Variants in PDE1A observed in about 807,000 individuals in gnomAD.
PDE1A encodes dual specificity calcium/calmodulin-dependent 3',5'-cyclic nucleotide phosphodiesterase 1A.
PDE1A carries 35 observed loss-of-function variants against 61.7 expected under a neutral mutation model. The observed-to-expected ratio is 0.57, with a 90% CI of 0.43 to 0.75. The LOEUF is 0.75. Among genes scored for constraint, PDE1A ranks in the 30% least tolerant of loss-of-function variants. The pLI, the probability that PDE1A is intolerant of heterozygous loss-of-function variation, is 0.00. For missense variants in PDE1A, 597 were observed against 630.6 expected (o/e 0.95, Z 0.57); for synonymous variants, 232 against 213.2 (o/e 1.09, Z -0.77).
chr2:182,322,838 C>T (rs757257825), intron 1 of PDE1A, among the ~76,000 whole-genome samples: 23 of 151,996 alleles, frequency 1.5e-4, no homozygotes, highest in African/African-American at 3.9e-4. Flanking sequence ...AAAGTAGATA[C>T]GTTAAATGAT....
At chr2:182,504,429 G>A (rs946830642) in intron 2 of PDE1A, among the ~76,000 whole-genome samples, 2 of 152,122 alleles carry the variant, frequency 1.3e-5, no homozygotes, top group African/African-American at 4.8e-5. Context: ...AGATAAACAA[G>A]AAATCATTTT....
the PDE1A span, among the ~76,000 whole-genome samples, chr2:182,584,241 G>A: frequency 6.6e-6 from 1 of 152,006 alleles, no homozygotes; most frequent in Non-Finnish European, 1.5e-5. Context: ...AGGAGTTGCA[G>A]AGAGAGAACA....
the PDE1A span, among the ~76,000 whole-genome samples, chr2:182,536,287 C>T: frequency 6.6e-5 from 10 of 152,300 alleles, no homozygotes; most frequent in African/African-American, 2.2e-4. Context: ...AACCAATTCA[C>T]ATTTAGGAAA....
At chr2:182,222,817 A>G (rs569281309) in intron 7 of PDE1A, among the ~76,000 whole-genome samples, 3 of 152,052 alleles carry the variant, frequency 2.0e-5, no homozygotes, top group Non-Finnish European at 2.9e-5. Flanking sequence ...CTCTTAACAT[A>G]TATCTCCTTA....
chr2:182,503,711 T>C (rs1310645065), intron 2 of PDE1A, among the ~76,000 whole-genome samples: 3 of 152,272 alleles, frequency 2.0e-5, no homozygotes, highest in South Asian at 2.1e-4. Flanking sequence ...TGGTCTAAAA[T>C]ACAGACTTTT....
At chr2:182,202,329 C>T (rs1050524804) in intron 8 of PDE1A, among the ~76,000 whole-genome samples, 4 of 152,096 alleles carry the variant, frequency 2.6e-5, no homozygotes, top group Admixed American at 2.0e-4. Flanking sequence ...TTAATCAAAA[C>T]GACTACTATT....
intron 1 of PDE1A, among the ~76,000 whole-genome samples, chr2:182,312,300 A>G (rs1696032948): frequency 6.6e-6 from 1 of 152,094 alleles, no homozygotes; most frequent in African/African-American, 2.4e-5. Flanking sequence ...GTTTTTAAAT[A>G]GTTAATGAAG....
chr2:182,635,005 C>T, the PDE1A span, among the ~76,000 whole-genome samples: 1 of 151,780 alleles, frequency 6.6e-6, no homozygotes, highest in South Asian at 2.1e-4. Context: ...ATCTCAAAAG[C>T]ATAATCTGAA....
the PDE1A span, among the ~76,000 whole-genome samples, chr2:182,578,450 T>A: frequency 6.6e-6 from 1 of 152,232 alleles, no homozygotes; most frequent in African/African-American, 2.4e-5. Context: ...AAAGTCTATA[T>A]TATTAAGGTT....
chr2:182,695,400 T>C, the PDE1A span, among the ~76,000 whole-genome samples: 60 of 152,006 alleles, frequency 3.9e-4, no homozygotes, highest in Non-Finnish European at 6.9e-4. Context: ...AGTGTGGACA[T>C]GTCTGAGAGT....
chr2:182,690,096 G>C, the PDE1A span, among the ~76,000 whole-genome samples: 3 of 152,120 alleles, frequency 2.0e-5, no homozygotes, highest in Non-Finnish European at 1.5e-5. Context: ...AATTCTACCA[G>C]AGGTATAAGG....
At chr2:182,217,650 C>CA (rs1468257268) in intron 7 of PDE1A, among the ~76,000 whole-genome samples, 1 of 138,138 alleles carries the variant, frequency 7.2e-6, no homozygotes, top group Admixed American at 7.4e-5. Flanking sequence ...TTTATGCAGC[C>CA]AAAAAACACA....
intron 10 of PDE1A, among the ~76,000 whole-genome samples, chr2:182,197,718 G>A (rs2125451883): frequency 6.6e-6 from 1 of 151,824 alleles, no homozygotes; most frequent in South Asian, 2.1e-4. Context: ...ATATATATGA[G>A]CCTGTTTCTG....
intron 1 of PDE1A, among the ~76,000 whole-genome samples, chr2:182,324,660 G>A (rs1696928283): frequency 6.6e-6 from 1 of 152,012 alleles, no homozygotes; most frequent in Non-Finnish European, 1.5e-5. Context: ...CTGTTCTGTG[G>A]GTACATTGGG....
the PDE1A span, among the ~76,000 whole-genome samples, chr2:182,713,296 G>C: frequency 1.3e-5 from 2 of 151,934 alleles, no homozygotes; most frequent in African/African-American, 4.8e-5. Context: ...ACTTACTGAG[G>C]GCAGAGCTAT....
At chr2:182,596,123 A>G in the PDE1A span, among the ~76,000 whole-genome samples, 1 of 152,260 alleles carries the variant, frequency 6.6e-6, no homozygotes, top group South Asian at 2.1e-4. Context: ...TTTGAGACAG[A>G]ACAGGCATAA....
At chr2:182,451,378 C>CAAAAAAAA (rs1219608685) in intron 2 of PDE1A, among the ~76,000 whole-genome samples, 3 of 12,296 alleles carry the variant, frequency 2.4e-4, no homozygotes, top group African/African-American at 6.5e-4. Flanking sequence ...GACTCCGTCT[C>CAAAAAAAA]AAAAAAAAAA....
chr2:182,604,217 A>G, the PDE1A span, among the ~76,000 whole-genome samples: 1 of 152,200 alleles, frequency 6.6e-6, no homozygotes, highest in Non-Finnish European at 1.5e-5. Flanking sequence ...GTTAATTTGT[A>G]GTGTCTGTGC....
the PDE1A span, among the ~76,000 whole-genome samples, chr2:182,691,359 C>T: frequency 1.3e-5 from 2 of 152,088 alleles, no homozygotes; most frequent in Non-Finnish European, 2.9e-5. Context: ...AGAACAAAGC[C>T]CTCAGAAATA....
Sources: allele counts gnomAD v4.1 joint callset (sites outside exome capture counted in the v4.1 genomes callset), GRCh38; gene constraint gnomAD v4.1.1; transcripts MANE v1.5; gene names NCBI Gene and HGNC (gene_info 2026-07-23, HGNC 2026-07-21).